The following NBPF8 variants were observed in gnomAD, a reference collection of about 807,000 sequenced individuals.
NBPF8 encodes NBPF member 8.
upstream of NBPF8, among the ~76,000 whole-genome samples, chr1:120,418,912 A>C (rs1362090635): frequency 7.2e-5 from 11 of 151,820 alleles, no homozygotes; most frequent in East Asian, 2.1e-3. Context: ...TCTTACAGCT[A>C]TTATTTATGA....
chr1:120,432,152 T>G (rs1174709179), upstream of NBPF8: 1 of 144,684 alleles, frequency 6.9e-6, no homozygotes, highest in Non-Finnish European at 1.5e-5. Flanking sequence ...TGTCTCCTGC[T>G]AAATCACAGA....
intron 11 of NBPF8, among the ~76,000 whole-genome samples, chr1:120,449,728 A>G (rs1489251027): frequency 6.6e-6 from 1 of 152,188 alleles, no homozygotes; most frequent in Non-Finnish European, 1.5e-5. Flanking sequence ...GATCCTGCAG[A>G]CAAATAACAT....
upstream of NBPF8, among the ~76,000 whole-genome samples, chr1:120,416,050 G>C (rs1479931049): frequency 6.6e-6 from 1 of 152,180 alleles, no homozygotes; most frequent in African/African-American, 2.4e-5. Flanking sequence ...TTACAGTGTT[G>C]TTCATCCTTT....
intron 13 of NBPF8, among the ~76,000 whole-genome samples, chr1:120,452,994 G>GCTT (rs1396629916): frequency 4.6e-5 from 7 of 151,048 alleles, no homozygotes; most frequent in Non-Finnish European, 8.9e-5. Context: ...AAGTTTGTCT[G>GCTT]CTTCTAAGAG....
exon 19 of NBPF8, chr1:120,461,311 T>G: frequency 2.5e-6 from 2 of 795,632 alleles, no homozygotes; most frequent in South Asian, 2.8e-5. Context: ...ACTCACTGGA[T>G]AGATGTTATT....
At chr1:120,422,904 C>T (rs1660613443) in intron 1 of NBPF8, among the ~76,000 whole-genome samples, 3 of 111,980 alleles carry the variant, frequency 2.7e-5, no homozygotes, top group Admixed American at 1.6e-4. Flanking sequence ...GCATCTTTCT[C>T]ATATGCTTAT....
chr1:120,425,278 CT>C (rs1660690762), intron 1 of NBPF8, among the ~76,000 whole-genome samples: 1 of 151,980 alleles, frequency 6.6e-6, no homozygotes, highest in Non-Finnish European at 1.5e-5. Context: ...AATGGAATGT[CT>C]CGGTGTAAAG....
At chr1:120,421,635 T>A (rs1660580976) in intron 1 of NBPF8, among the ~76,000 whole-genome samples, 1 of 149,606 alleles carries the variant, frequency 6.7e-6, no homozygotes, top group South Asian at 2.2e-4. Context: ...TCTACTTTTT[T>A]AAATAGACCA....
At chr1:120,453,548 G>C in intron 14 of NBPF8, 104 bp downstream of exon 12, 3 of 989,410 alleles carry the variant, frequency 3.0e-6, no homozygotes, top group African/African-American at 4.1e-5. Flanking sequence ...ACCCGCATTT[G>C]CTTAGCCACA....
At chr1:120,419,014 T>A (rs1369710259), upstream of NBPF8, among the ~76,000 whole-genome samples, 200 of 151,852 alleles carry the variant, frequency 1.3e-3, no homozygotes, top group Non-Finnish European at 2.0e-3. Flanking sequence ...TTTTGTCTCT[T>A]ATTCACCACT....
chr1:120,460,683 C>A, intron 18 of NBPF8, 59 bp downstream of exon 16: 1 of 847,144 alleles, frequency 1.2e-6, no homozygotes, highest in South Asian at 1.3e-5. Flanking sequence ...ATGCCAAGTC[C>A]AGGGAAAACA....
chr1:120,431,283 A>G (rs1481091785), intron 3 of NBPF8, among the ~76,000 whole-genome samples: 22 of 135,230 alleles, frequency 1.6e-4, no homozygotes, highest in East Asian at 6.2e-4. Context: ...GTGTGTGTGT[A>G]TATTCACCGT....
exon 11 of NBPF8, chr1:120,449,381 G>C: frequency 6.9e-7 from 1 of 1,458,460 alleles, no homozygotes; most frequent in South Asian, 1.1e-5. Flanking sequence ...CGGCTTCCTG[G>C]CCAACCGACA....
chr1:120,426,815 T>C (rs1660740384), intron 2 of NBPF8, among the ~76,000 whole-genome samples: 2 of 151,938 alleles, frequency 1.3e-5, no homozygotes, highest in African/African-American at 4.8e-5. Context: ...GGGACAGACA[T>C]AGAATAACAA....
chr1:120,432,407 G>T (rs1172175047), upstream of NBPF8: 3 of 96,692 alleles, frequency 3.1e-5, 1 homozygote, highest in Non-Finnish European at 2.0e-5. Flanking sequence ...ATATTTAATT[G>T]AACCACTCAG....
intron 18 of NBPF8, among the ~76,000 whole-genome samples, chr1:120,461,016 C>CTGTGTGTG (rs202089337): frequency 0.012 from 1,603 of 131,244 alleles, 17 homozygotes; most frequent in Non-Finnish European, 0.018. Flanking sequence ...TGAGCTCGAA[C>CTGTGTGTG]TGTGTGTGTG....
At chr1:120,463,226 A>G (rs1661643303) in intron 21 of NBPF8, among the ~76,000 whole-genome samples, 1 of 144,608 alleles carries the variant, frequency 6.9e-6, no homozygotes, top group Non-Finnish European at 1.5e-5. Context: ...GGACCCAGGC[A>G]GATGTAAAAA....
At chr1:120,449,926 G>A (rs1340574494) in intron 11 of NBPF8, among the ~76,000 whole-genome samples, 1 of 152,134 alleles carries the variant, frequency 6.6e-6, no homozygotes, top group Admixed American at 6.5e-5. Flanking sequence ...ATAAGTGACA[G>A]CATCAAGAGC....
chr1:120,428,936 A>G (rs61807954), intron 3 of NBPF8, among the ~76,000 whole-genome samples: 137,737 of 149,096 alleles, frequency 0.92, 63,842 homozygotes, highest in African/African-American at 0.98. Flanking sequence ...CCGAATATGA[A>G]CACAGACTTG....
Sources: gnomAD v4.1 joint callset for allele counts (sites outside exome capture counted in the v4.1 genomes callset) on GRCh38, gnomAD v4.1.1 for gene constraint, MANE v1.5 for transcripts, NCBI Gene and HGNC (gene_info 2026-07-23, HGNC 2026-07-21) for gene names.